GRAMD1B: variants seen among roughly 807,000 people sequenced by gnomAD.
GRAMD1B encodes GRAM domain containing 1B.
GRAMD1B carries 37 observed loss-of-function variants against 99.7 expected under a neutral mutation model. The ratio of observed to expected loss-of-function variants is 0.37; its 90% CI spans 0.29 to 0.49. The LOEUF is 0.49. GRAMD1B is among the 20% of genes least tolerant of loss of function. GRAMD1B has a pLI of 0.98. For missense variants in GRAMD1B, 888 were observed against 1,009.2 expected (o/e 0.88, Z 1.63); for synonymous variants, 427 against 387.6 (o/e 1.10, Z -1.19).
chr11:123,574,997 G>A (rs1397562590), intron 2 of GRAMD1B, among the ~76,000 whole-genome samples: 1 of 152,216 alleles, frequency 6.6e-6, no homozygotes, highest in Non-Finnish European at 1.5e-5. Flanking sequence ...TAAGAGCACA[G>A]AGAGATGGTA....
intron 1 of GRAMD1B, among the ~76,000 whole-genome samples, chr11:123,366,887 T>G (rs575015306): frequency 8.5e-5 from 13 of 152,216 alleles, no homozygotes; most frequent in Admixed American, 6.5e-4. Flanking sequence ...CACTTTATAT[T>G]ATTACAACAA....
chr11:123,457,130 A>G (rs537927915), intron 1 of GRAMD1B, among the ~76,000 whole-genome samples: 1 of 148,264 alleles, frequency 6.7e-6, no homozygotes, highest in Non-Finnish European at 1.5e-5. Flanking sequence ...AGAAAGAAAG[A>G]AAGAAAGAAT....
rs145800604 is a variant in GRAMD1B at position 123,416,693 on chromosome 11, A to G, written c.-176+57894A>G. ...GTGTGATGAGTCCCTGTAGCCAGGC[A>G]TAACTTGTTGCCTGAATGGATGTCA... On this transcript the variant is annotated intron_variant, in intron 1 of 20. Coordinates refer to the GRAMD1B transcript ENST00000638157. Among the ~76,000 whole-genome samples the G allele has an allele frequency of 1.4e-3, 216 of 152,348 alleles. 1 individual carries two copies. Among genetic ancestry groups the G allele is most frequent in the African/African-American group, 5.1e-3 (212 of 41,574 alleles).
At chr11:123,578,172 C>CCCCAGAGAT (rs1948940433) in intron 3 of GRAMD1B, among the ~76,000 whole-genome samples, 1 of 152,060 alleles carries the variant, frequency 6.6e-6, no homozygotes, top group South Asian at 2.1e-4. Context: ...AATTATGGTT[C>CCCCAGAGAT]CCCAGAGATG....
chr11:123,421,915 A>G (rs1321379866), intron 1 of GRAMD1B, among the ~76,000 whole-genome samples: 4 of 152,244 alleles, frequency 2.6e-5, no homozygotes, highest in Admixed American at 6.5e-5. Context: ...AAATGATTTG[A>G]ATTATATGAA....
intron 7 of GRAMD1B, chr11:123,598,195 T>A: frequency 6.8e-7 from 1 of 1,466,430 alleles, no homozygotes; most frequent in East Asian, 2.3e-5. Flanking sequence ...CTGGAAGGCT[T>A]TGGGTCCTCG....
chr11:123,437,301 C>A (rs149437951), intron 1 of GRAMD1B, among the ~76,000 whole-genome samples: 1 of 152,100 alleles, frequency 6.6e-6, no homozygotes, highest in African/African-American at 2.4e-5. Context: ...TGTTCAGAAC[C>A]CAAACTGAGG....
chr11:123,387,641 A>T (rs34003181), intron 1 of GRAMD1B, among the ~76,000 whole-genome samples: 30 of 152,196 alleles, frequency 2.0e-4, no homozygotes, highest in Non-Finnish European at 2.9e-4. Context: ...CAGCTCCAGC[A>T]TTTCCAGACA....
chr11:123,396,218 GA>G (rs1307458380), intron 1 of GRAMD1B, among the ~76,000 whole-genome samples: 1 of 141,036 alleles, frequency 7.1e-6, no homozygotes, highest in Non-Finnish European at 1.6e-5. Flanking sequence ...TTTTTAGATG[GA>G]AAAGTCCTCT....
intron 1 of GRAMD1B, among the ~76,000 whole-genome samples, chr11:123,479,458 G>A (rs1329889020): frequency 6.6e-6 from 1 of 152,198 alleles, no homozygotes; most frequent in South Asian, 2.1e-4. Flanking sequence ...ATGCATCTTA[G>A]TGCAGCAGGC....
intron 2 of GRAMD1B, among the ~76,000 whole-genome samples, chr11:123,550,568 G>T (rs1369493397): frequency 6.6e-6 from 1 of 152,200 alleles, no homozygotes; most frequent in Non-Finnish European, 1.5e-5. Flanking sequence ...GAGTGGGGTG[G>T]AGGAAGGTGG....
intron 1 of GRAMD1B, among the ~76,000 whole-genome samples, chr11:123,365,707 A>G (rs1034854450): frequency 1.3e-5 from 2 of 152,254 alleles, no homozygotes; most frequent in African/African-American, 4.8e-5. Flanking sequence ...ATTGAATTAA[A>G]GGAATTCAGA....
intron 2 of GRAMD1B, among the ~76,000 whole-genome samples, chr11:123,566,852 T>G (rs1015092619): frequency 1.3e-5 from 2 of 152,158 alleles, no homozygotes; most frequent in Non-Finnish European, 2.9e-5. Context: ...GCCAGTCATT[T>G]TGCTGGAGGT....
intron 2 of GRAMD1B, chr11:123,491,960 G>A (rs1250476699): frequency 2.5e-6 from 1 of 399,202 alleles, no homozygotes; most frequent in African/African-American, 2.1e-5. Context: ...TGCGAGCCAA[G>A]TAGGTGGTGG....
Position 123,606,818 on chromosome 11 carries a change from T to TCTGG in GRAMD1B, c.1513+21_1513+24dup, listed in dbSNP as rs757410799. The TCTGG allele has an allele frequency of 6.2e-7, 1 of 1,600,622 alleles. No individual in the cohort carries two copies. The highest frequency in any genetic ancestry group is 1.1e-5 in the South Asian group (1 of 90,254). On this transcript the variant is annotated intron_variant, in intron 11 of 19. Coordinates refer to ENST00000635736, the MANE Select transcript of GRAMD1B (RefSeq NM_001387025.1). The stretch of plus-strand genomic sequence containing the variant: ...ATGAAGGTGGGCATTTGAAAATGGG[T>TCTGG]CTGGAGTGGCCCTTGCTCTGTTTTG...
intron 1 of GRAMD1B, among the ~76,000 whole-genome samples, chr11:123,467,072 G>T (rs1316967226): frequency 6.6e-6 from 1 of 152,172 alleles, no homozygotes; most frequent in African/African-American, 2.4e-5. Flanking sequence ...GAATTTTATT[G>T]TAGGTGAGGG....
intron 1 of GRAMD1B, among the ~76,000 whole-genome samples, chr11:123,396,096 C>T (rs1947449843): frequency 6.6e-6 from 1 of 152,100 alleles, no homozygotes; most frequent in Non-Finnish European, 1.5e-5. Flanking sequence ...CTTTCCCCCT[C>T]CTTGCTACTC....
intron 2 of GRAMD1B, among the ~76,000 whole-genome samples, chr11:123,553,948 T>A (rs77912474): frequency 2.5e-3 from 378 of 152,324 alleles, no homozygotes; most frequent in African/African-American, 8.6e-3. Flanking sequence ...GATGTTGACC[T>A]CTTTGGCTAA....
At chr11:123,599,820 G>C (rs984690640) in intron 7 of GRAMD1B, among the ~76,000 whole-genome samples, 1 of 152,198 alleles carries the variant, frequency 6.6e-6, no homozygotes, top group Non-Finnish European at 1.5e-5. Flanking sequence ...GATTATACAA[G>C]TTGCCTAACC....
Sources: allele counts gnomAD v4.1 joint callset (sites outside exome capture counted in the v4.1 genomes callset), GRCh38; gene constraint gnomAD v4.1.1; transcripts MANE v1.5; gene names NCBI Gene and HGNC (gene_info 2026-07-23, HGNC 2026-07-21).